ATP8B1: variants seen among roughly 807,000 people sequenced by gnomAD.
ATP8B1 encodes ATPase phospholipid transporting 8B1, also known as phospholipid-transporting ATPase IC.
In ATP8B1, 80 loss-of-function variants were observed where a neutral mutation model predicts 149.9. The ratio of observed to expected loss-of-function variants is 0.53; its 90% confidence interval spans 0.45 to 0.64. ATP8B1 has a LOEUF of 0.64. Ranked by LOEUF, ATP8B1 falls within the 30% of genes least tolerant of loss-of-function variation. The pLI is 0.00. For synonymous variants in ATP8B1, 536 were observed against 562.8 expected, an observed-to-expected ratio of 0.95 and a Z score of 0.67; for missense variants, 1,247 against 1,552.6, an observed-to-expected ratio of 0.80 and a Z score of 3.31.
intron 2 of ATP8B1, among the ~76,000 whole-genome samples, chr18:57,726,014 G>T (rs888885922): frequency 6.6e-6 from 1 of 152,180 alleles, no homozygotes; most frequent in Non-Finnish European, 1.5e-5. Flanking sequence ...TGGATCACAA[G>T]GTCAAGAGAT....
intron 20 of ATP8B1, among the ~76,000 whole-genome samples, chr18:57,662,929 T>A (rs1406420558): frequency 6.6e-6 from 1 of 152,122 alleles, no homozygotes; most frequent in Non-Finnish European, 1.5e-5. Flanking sequence ...AATTTTTGTA[T>A]TTTTTGTAGC....
chr18:57,788,651 A>T (rs1449024451), intron 1 of ATP8B1, among the ~76,000 whole-genome samples: 3 of 152,072 alleles, frequency 2.0e-5, no homozygotes, highest in Non-Finnish European at 4.4e-5. Flanking sequence ...AGTTCCTGGC[A>T]CCACCCACTC....
intron 1 of ATP8B1, among the ~76,000 whole-genome samples, chr18:57,745,589 C>T (rs1025754276): frequency 7.3e-5 from 11 of 151,520 alleles, no homozygotes; most frequent in African/African-American, 1.9e-4. Context: ...TTTTGATTGG[C>T]GTCATTAGTT....
chr18:57,785,289 T>C (rs2080395900), intron 1 of ATP8B1, among the ~76,000 whole-genome samples: 1 of 152,232 alleles, frequency 6.6e-6, no homozygotes, highest in Non-Finnish European at 1.5e-5. Context: ...AAATATTTCA[T>C]AGCTCAGAGT....
Position 57,647,051 on chromosome 18 carries a change from C to T in ATP8B1, c.*1437G>A, listed in dbSNP as rs531264150. 6.6e-6 allele frequency: 1 copy of T among 152,302 alleles called. No homozygotes were observed. The highest frequency in any genetic ancestry group is 6.5e-5 in the Admixed American group (1 of 15,294). The allele number at this position is 152,302 out of a possible 1,614,324, so 9.4% of individuals were successfully genotyped here. A position where few individuals can be genotyped will look rare whatever the true frequency, so the allele number is the denominator to read the frequency against. ...GGCTGCCAATAACCTTTTCTCTCGA[C>T]ATAAGACAAGTGAAAAAGAGTGAGG... On this transcript the variant is annotated 3_prime_UTR_variant, in exon 28 of 28. Coordinates refer to ENST00000648908, the MANE Select transcript of ATP8B1 (RefSeq NM_001374385.1).
At chr18:57,661,110 C>T in intron 22 of ATP8B1, 64 bp downstream of exon 22, 1 of 1,589,582 alleles carries the variant, frequency 6.3e-7, no homozygotes, top group East Asian at 2.2e-5. Context: ...CCACCCCCTA[C>T]ACATTCCAGC....
chr18:57,758,353 A>G (rs189104303), intron 1 of ATP8B1, among the ~76,000 whole-genome samples: 1 of 152,056 alleles, frequency 6.6e-6, no homozygotes, highest in East Asian at 1.9e-4. Context: ...CAAAGATAAG[A>G]AGATAGGCCA....
chr18:57,730,101 C>T (rs1051282691), intron 2 of ATP8B1, among the ~76,000 whole-genome samples: 1 of 152,168 alleles, frequency 6.6e-6, no homozygotes, highest in African/African-American at 2.4e-5. Flanking sequence ...AATCTCCCCA[C>T]AGGCAGATTC....
chr18:57,688,443 C>T lies in ATP8B1; in HGVS notation c.1285G>A (p.Glu429Lys), dbSNP rs756822189. The change falls in exon 13 of 28, where the codon GAG (glutamate) becomes AAG (lysine). Residue 429 changes from glutamate (E) to lysine (K), a missense_variant. Coordinates refer to ENST00000648908, the MANE Select transcript of ATP8B1 (RefSeq NM_001374385.1). The part of the protein sequence containing the change: ...INWDLQMYYA[E>K]KDTPAKARTT... ...CTAGCTTTTGCGGGTGTGTCCTTCT[C>T]AGCATAGTACATTTGCAGGTCCCAG... 18 of 1,614,062 alleles carry T rather than the reference C, an allele frequency of 1.1e-5. No homozygotes were observed.
intron 20 of ATP8B1, among the ~76,000 whole-genome samples, chr18:57,663,206 G>C (rs920358688): frequency 1.3e-5 from 2 of 152,032 alleles, no homozygotes; most frequent in African/African-American, 2.4e-5. Context: ...TCTGTGACTG[G>C]TTTATTTCAC....
intron 1 of ATP8B1, among the ~76,000 whole-genome samples, chr18:57,746,273 C>T (rs933895718): frequency 2.0e-5 from 3 of 152,098 alleles, no homozygotes; most frequent in African/African-American, 7.2e-5. Context: ...GCAATTTTTA[C>T]AGCACACACA....
At chr18:57,764,402 T>C (rs1307201159) in intron 1 of ATP8B1, among the ~76,000 whole-genome samples, 2 of 138,048 alleles carry the variant, frequency 1.4e-5, no homozygotes, top group Non-Finnish European at 3.2e-5. Context: ...TCTCTCTTTC[T>C]TTCTTTCTCT....
At chr18:57,685,829 G>A (rs1196200943) in intron 13 of ATP8B1, among the ~76,000 whole-genome samples, 1 of 152,126 alleles carries the variant, frequency 6.6e-6, no homozygotes, top group African/African-American at 2.4e-5. Context: ...TACTCGGGAG[G>A]CTGAGGCAGA....
At chr18:57,755,942 A>G (rs2080073144) in intron 1 of ATP8B1, among the ~76,000 whole-genome samples, 1 of 151,996 alleles carries the variant, frequency 6.6e-6, no homozygotes, top group Non-Finnish European at 1.5e-5. Context: ...CTTAAGTTAC[A>G]TATAGTTCAT....
chr18:57,786,328 C>G (rs1599237874), intron 1 of ATP8B1, among the ~76,000 whole-genome samples: 1 of 152,192 alleles, frequency 6.6e-6, no homozygotes, highest in South Asian at 2.1e-4. Flanking sequence ...GCTGCCGTGG[C>G]TGGACATCAC....
At position 57,648,721 on chromosome 18, in the gene ATP8B1, G is replaced by C. The variant is rs1327043988; in HGVS notation, c.3532-9C>G. On this transcript the variant is annotated splice_polypyrimidine_tract_variant and intron_variant, in intron 27 of 27. Coordinates refer to ENST00000648908, the MANE Select transcript of ATP8B1 (RefSeq NM_001374385.1). ...TTGCGATGCTTCTGGATCTGCAAGG[G>C]GGAGAGATGGGGAGGGATGAAAATA... is the stretch of plus-strand genomic sequence containing the variant. 2 of 1,549,536 alleles carry C rather than the reference G, an allele frequency of 1.3e-6. No homozygotes were observed. Among genetic ancestry groups the C allele is most frequent in the Admixed American group, 2.0e-5 (1 of 51,004 alleles).
At chr18:57,780,512 G>A (rs1273827391) in intron 1 of ATP8B1, among the ~76,000 whole-genome samples, 1 of 152,154 alleles carries the variant, frequency 6.6e-6, no homozygotes, top group Admixed American at 6.6e-5. Context: ...GGGGTGTGGA[G>A]AGCAGGCAAA....
At chr18:57,705,086 GAAGA>G (rs756640077) in intron 3 of ATP8B1, among the ~76,000 whole-genome samples, 2 of 152,092 alleles carry the variant, frequency 1.3e-5, no homozygotes, top group Non-Finnish European at 2.9e-5. Context: ...AAAAAGAAAA[GAAGA>G]AAGAAAGATA....
chr18:57,732,184 T>C (rs1244129741), intron 1 of ATP8B1, among the ~76,000 whole-genome samples: 23 of 116,192 alleles, frequency 2.0e-4, no homozygotes, highest in African/African-American at 6.6e-4. Context: ...TATATGTGTA[T>C]ATATGTATAT....
Sources: gnomAD v4.1 joint callset for allele counts (sites outside exome capture counted in the v4.1 genomes callset) on GRCh38, gnomAD v4.1.1 for gene constraint, MANE v1.5 for transcripts, NCBI Gene and HGNC (gene_info 2026-07-23, HGNC 2026-07-21) for gene names.